The following CAMK4 variants were observed in gnomAD, a reference collection of about 807,000 sequenced individuals.
CAMK4 encodes the protein calcium/calmodulin dependent protein kinase IV.
CAMK4 carries 22 observed loss-of-function variants against 44.9 expected under a neutral mutation model. The ratio of observed to expected loss-of-function variants is 0.49; its 90% CI spans 0.35 to 0.70. The LOEUF is 0.70. Ranked by LOEUF, CAMK4 falls within the 30% of genes least tolerant of loss-of-function variation. The pLI is 0.01. For missense variants in CAMK4, 498 were observed against 586.8 expected (o/e 0.85, Z 1.56); for synonymous variants, 218 against 215.4 (o/e 1.01, Z -0.11).
At chr5:111,473,252 T>TA (rs1279689746) in intron 7 of CAMK4, 59 bp from the exon 8 acceptor site, 2 of 1,065,692 alleles carry the variant, frequency 1.9e-6, no homozygotes, top group Non-Finnish European at 2.9e-6. Context: ...CATTGCTTGA[T>TA]ATTAAAATAT....
At chr5:111,246,910 C>T (rs1179133249) in intron 1 of CAMK4, among the ~76,000 whole-genome samples, 1 of 152,090 alleles carries the variant, frequency 6.6e-6, no homozygotes, top group African/African-American at 2.4e-5. Context: ...TACTATATCC[C>T]TTAAATTAAG....
At chr5:111,276,715 A>T (rs1269401003) in intron 1 of CAMK4, among the ~76,000 whole-genome samples, 3 of 152,162 alleles carry the variant, frequency 2.0e-5, no homozygotes, top group African/African-American at 7.2e-5. Context: ...GGGGTGGGAT[A>T]GGGGTGCTTC....
chr5:111,277,196 T>C (rs1203087457), intron 1 of CAMK4, among the ~76,000 whole-genome samples: 2 of 152,220 alleles, frequency 1.3e-5, no homozygotes, highest in Non-Finnish European at 2.9e-5. Flanking sequence ...CCATGAATAC[T>C]GGAAGTATTT....
chr5:111,244,396 C>T (rs1749141138), intron 1 of CAMK4, among the ~76,000 whole-genome samples: 1 of 152,044 alleles, frequency 6.6e-6, no homozygotes, highest in Non-Finnish European at 1.5e-5. Context: ...AAATCTTTGT[C>T]CTCAAATGTA....
chr5:111,246,699 C>G (rs1381385492), intron 1 of CAMK4, among the ~76,000 whole-genome samples: 1 of 152,154 alleles, frequency 6.6e-6, no homozygotes, highest in Non-Finnish European at 1.5e-5. Flanking sequence ...ATCCACCATC[C>G]TGGCCAGGGG....
intron 1 of CAMK4, among the ~76,000 whole-genome samples, chr5:111,270,337 A>G (rs72780337): frequency 0.074 from 11,281 of 152,108 alleles, 494 homozygotes; most frequent in Middle Eastern, 0.1. Flanking sequence ...TTAATTCACC[A>G]TCACTCCCTC....
At chr5:111,229,071 C>T (rs922562945) in intron 1 of CAMK4, among the ~76,000 whole-genome samples, 8 of 152,164 alleles carry the variant, frequency 5.3e-5, no homozygotes, top group Non-Finnish European at 7.3e-5. Flanking sequence ...TAAGGAAACA[C>T]GAAAGCGTGC....
intron 1 of CAMK4, among the ~76,000 whole-genome samples, chr5:111,289,223 G>A (rs1396088360): frequency 2.0e-5 from 3 of 152,168 alleles, no homozygotes; most frequent in African/African-American, 7.2e-5. Context: ...GCGCTCGCCT[G>A]TAATCCCAGC....
chr5:111,235,427 G>A (rs1748669592), intron 1 of CAMK4, among the ~76,000 whole-genome samples: 1 of 152,048 alleles, frequency 6.6e-6, no homozygotes, highest in Admixed American at 6.6e-5. Flanking sequence ...CCTCTAAAGG[G>A]TTCTTCTTGA....
At chr5:111,436,082 C>A (rs1753635867) in intron 5 of CAMK4, among the ~76,000 whole-genome samples, 1 of 152,004 alleles carries the variant, frequency 6.6e-6, no homozygotes, top group South Asian at 2.1e-4. Context: ...AAAATAATAA[C>A]CATTCACTTA....
In CAMK4 at chr5:111,263,865, G is replaced by A. The variant is rs532062917; in HGVS notation, c.161+39221G>A. Among the ~76,000 whole-genome samples the A allele has an allele frequency of 5.9e-5, 9 of 152,084 alleles. No individual in the cohort carries two copies. The East Asian group carries it at 9.7e-4, about 16-fold the overall frequency. ...ATGTACTTTTTCTTTGTGTCTTCAC[G>A]TCTCCTCCTGTTGCATTTTAAAGCA... On this transcript the variant is annotated intron_variant, in intron 1 of 10. Coordinates refer to ENST00000282356, the MANE Select transcript of CAMK4 (RefSeq NM_001744.6).
At chr5:111,357,075 G>A (rs947211170) in intron 2 of CAMK4, among the ~76,000 whole-genome samples, 1 of 151,986 alleles carries the variant, frequency 6.6e-6, no homozygotes. Flanking sequence ...TAACCCCTTA[G>A]TACTTTTATA....
At chr5:111,307,074 C>T (rs1747957485) in intron 1 of CAMK4, among the ~76,000 whole-genome samples, 1 of 10,568 alleles carries the variant, frequency 9.5e-5, no homozygotes, top group East Asian at 4.2e-3. Context: ...GGATCCCTTC[C>T]TTACACCTTA....
At chr5:111,322,981 A>AAGGAAC (rs1748724545) in intron 1 of CAMK4, among the ~76,000 whole-genome samples, 1 of 152,156 alleles carries the variant, frequency 6.6e-6, no homozygotes, top group Admixed American at 6.6e-5. Flanking sequence ...AACTGGTAAA[A>AAGGAAC]AGGAACAGTC....
chr5:111,249,078 G>A (rs572768795), intron 1 of CAMK4, among the ~76,000 whole-genome samples: 243 of 152,286 alleles, frequency 1.6e-3, no homozygotes, highest in Non-Finnish European at 3.1e-3. Flanking sequence ...AATCTGAAGC[G>A]ATTATTGTTT....
intron 1 of CAMK4, among the ~76,000 whole-genome samples, chr5:111,341,600 G>A (rs1268820012): frequency 6.6e-6 from 1 of 151,054 alleles, no homozygotes; most frequent in Non-Finnish European, 1.5e-5. Flanking sequence ...AGAATTACAT[G>A]AAGAATATGA....
intron 1 of CAMK4, among the ~76,000 whole-genome samples, chr5:111,339,635 A>G (rs1401303522): frequency 6.6e-6 from 1 of 151,520 alleles, no homozygotes; most frequent in Middle Eastern, 3.2e-3. Context: ...ATAGCTTTGT[A>G]GTAGATTTTG....
Position 111,278,426 on chromosome 5 carries a change from A to G in CAMK4, c.161+53782A>G, listed in dbSNP as rs73786866. Among the ~76,000 whole-genome samples the G allele has an allele frequency of 8.4e-3, 1,283 of 152,308 alleles. 19 individuals are homozygous for G. The highest frequency in any genetic ancestry group is 0.029 in the African/African-American group (1,216 of 41,556). On this transcript the variant is annotated intron_variant, in intron 1 of 10. Transcript: ENST00000282356. ...AAATAGTTCAAAATAATTTGGGAAA[A>G]GTCACTCACAATTATAGAAACCTTT...
chr5:111,339,002 A>C (rs1396224037), intron 1 of CAMK4, among the ~76,000 whole-genome samples: 1 of 151,274 alleles, frequency 6.6e-6, no homozygotes, highest in African/African-American at 2.4e-5. Flanking sequence ...TGATGTTAGT[A>C]GTTTGATAGG....
Sources: allele counts gnomAD v4.1 joint callset (sites outside exome capture counted in the v4.1 genomes callset), GRCh38; gene constraint gnomAD v4.1.1; transcripts MANE v1.5; gene names NCBI Gene and HGNC (gene_info 2026-07-23, HGNC 2026-07-21).